AFG1L: variants seen among roughly 807,000 people sequenced by gnomAD.
The protein encoded by AFG1L is AFG1-like ATPase.
A neutral mutation model predicts 62.2 loss-of-function variants in AFG1L; 53 were observed. The observed-to-expected ratio is 0.85, with a 90% CI of 0.68 to 1.07. The LOEUF (loss-of-function observed/expected upper bound fraction) is 1.07, where lower values mean the gene tolerates loss of function less well. AFG1L is among the 50% of genes least tolerant of loss of function. The pLI, the probability that AFG1L is intolerant of heterozygous loss-of-function variation, is 0.00. For missense variants in AFG1L, 555 were observed against 590.5 expected (o/e 0.94, Z 0.62); for synonymous variants, 228 against 210.3 (o/e 1.08, Z -0.73).
chr6:108,421,011 A>G (rs1770563317), intron 7 of AFG1L, among the ~76,000 whole-genome samples: 1 of 152,162 alleles, frequency 6.6e-6, no homozygotes, highest in Non-Finnish European at 1.5e-5. Context: ...AATGTGAAAT[A>G]AAATTCTCCC....
intron 1 of AFG1L, among the ~76,000 whole-genome samples, chr6:108,322,005 C>T (rs1031884340): frequency 2.0e-5 from 3 of 152,070 alleles, no homozygotes; most frequent in South Asian, 2.1e-4. Flanking sequence ...ACCTCAGCCT[C>T]CCCAAGTAGC....
chr6:108,338,788 A>G (rs114744415), intron 2 of AFG1L, among the ~76,000 whole-genome samples: 56 of 152,342 alleles, frequency 3.7e-4, no homozygotes, highest in African/African-American at 9.4e-4. Flanking sequence ...GAATTGTTTG[A>G]TGTGTCTGAC....
At chr6:108,422,291 A>G (rs1770625407) in intron 7 of AFG1L, among the ~76,000 whole-genome samples, 1 of 151,830 alleles carries the variant, frequency 6.6e-6, no homozygotes, top group Non-Finnish European at 1.5e-5. Flanking sequence ...TTGAGAAAGC[A>G]TTGCATTTAT....
chr6:108,307,266 C>T (rs902050907), intron 1 of AFG1L, among the ~76,000 whole-genome samples: 2 of 151,982 alleles, frequency 1.3e-5, no homozygotes, highest in Non-Finnish European at 2.9e-5. Flanking sequence ...CCCAACTTGG[C>T]CCCCCAAAGT....
At chr6:108,499,777 G>C (rs991768297) in intron 10 of AFG1L, among the ~76,000 whole-genome samples, 3 of 151,942 alleles carry the variant, frequency 2.0e-5, no homozygotes, top group African/African-American at 7.3e-5. Flanking sequence ...AAAAAAACCT[G>C]AAGAAAATTT....
intron 8 of AFG1L, among the ~76,000 whole-genome samples, chr6:108,467,040 A>C (rs1034292997): frequency 6.6e-6 from 1 of 152,050 alleles, no homozygotes; most frequent in Non-Finnish European, 1.5e-5. Flanking sequence ...ATATGAAGCA[A>C]TATGTACTTA....
chr6:108,418,667 A>G (rs977938482), intron 7 of AFG1L, among the ~76,000 whole-genome samples: 15 of 152,236 alleles, frequency 9.9e-5, no homozygotes, highest in African/African-American at 3.4e-4. Context: ...TATCAATTTC[A>G]GATAATTTAG....
At chr6:108,307,785 T>C (rs1777262383) in intron 1 of AFG1L, among the ~76,000 whole-genome samples, 1 of 152,206 alleles carries the variant, frequency 6.6e-6, no homozygotes, top group Non-Finnish European at 1.5e-5. Context: ...TATCAGTGTA[T>C]CTTTCCATTA....
intron 3 of AFG1L, among the ~76,000 whole-genome samples, chr6:108,347,869 T>G (rs1356866410): frequency 6.6e-6 from 1 of 152,152 alleles, no homozygotes; most frequent in Non-Finnish European, 1.5e-5. Flanking sequence ...TGTCAATCAA[T>G]TATTTCTTCT....
intron 2 of AFG1L, among the ~76,000 whole-genome samples, chr6:108,335,739 GGTA>G: frequency 6.6e-6 from 1 of 152,324 alleles, no homozygotes; most frequent in South Asian, 2.1e-4. Context: ...CAGAGTATCA[GGTA>G]GGAGCAAAGT....
intron 10 of AFG1L, among the ~76,000 whole-genome samples, chr6:108,509,707 G>A (rs1774563904): frequency 6.6e-6 from 1 of 152,138 alleles, no homozygotes; most frequent in African/African-American, 2.4e-5. Flanking sequence ...CACAGTGTAT[G>A]TTATCTGTGT....
intron 1 of AFG1L, among the ~76,000 whole-genome samples, chr6:108,310,915 C>G (rs900141917): frequency 2.0e-5 from 3 of 152,074 alleles, no homozygotes; most frequent in African/African-American, 7.2e-5. Flanking sequence ...CTTATTGTAA[C>G]GGTGAATGGG....
chr6:108,378,119 T>C (rs1780330487), intron 6 of AFG1L, among the ~76,000 whole-genome samples: 1 of 151,554 alleles, frequency 6.6e-6, no homozygotes, highest in Non-Finnish European at 1.5e-5. Context: ...GTCCAGTCCA[T>C]TTATAAAGCT....
intron 6 of AFG1L, among the ~76,000 whole-genome samples, chr6:108,384,043 T>C (rs1379721788): frequency 7.0e-6 from 1 of 143,478 alleles, no homozygotes; most frequent in Admixed American, 7.1e-5. Flanking sequence ...TACACAACTA[T>C]GTGAAGGTCC....
chr6:108,352,936 G>T (rs1189603000), intron 3 of AFG1L, among the ~76,000 whole-genome samples: 1 of 151,990 alleles, frequency 6.6e-6, no homozygotes, highest in Non-Finnish European at 1.5e-5. Context: ...GTAGAAACTA[G>T]ATACAGAGGG....
intron 6 of AFG1L, among the ~76,000 whole-genome samples, chr6:108,400,559 TTATA>T (rs1317799713): frequency 7.2e-6 from 1 of 138,676 alleles, no homozygotes; most frequent in Non-Finnish European, 1.5e-5. Flanking sequence ...CATTATATAT[TTATA>T]TAAATATATA....
chr6:108,444,044 A>C (rs1771658295), intron 7 of AFG1L, among the ~76,000 whole-genome samples: 1 of 149,368 alleles, frequency 6.7e-6, no homozygotes, highest in Non-Finnish European at 1.5e-5. Context: ...CTTCTACTGA[A>C]GTGAATATCT....
chr6:108,436,611 T>C (rs966257131), intron 7 of AFG1L, among the ~76,000 whole-genome samples: 14 of 152,190 alleles, frequency 9.2e-5, no homozygotes, highest in African/African-American at 2.9e-4. Context: ...AACAAGCCCA[T>C]GTGAATCTTC....
chr6:108,341,665 C>T (rs12663661), intron 2 of AFG1L, among the ~76,000 whole-genome samples: 6,702 of 151,924 alleles, frequency 0.044, 219 homozygotes, highest in Admixed American at 0.1. Context: ...ATCTCTTATG[C>T]TTGGTGGAGG....
Sources: allele counts gnomAD v4.1 joint callset (sites outside exome capture counted in the v4.1 genomes callset), GRCh38; gene constraint gnomAD v4.1.1; transcripts MANE v1.5; gene names NCBI Gene and HGNC (gene_info 2026-07-23, HGNC 2026-07-21).